Variants in TJP2 observed in about 807,000 individuals in gnomAD.
The protein encoded by TJP2 is tight junction protein 2, also known as Friedreich ataxia region gene X104 (tight junction protein ZO-2).
TJP2 carries 91 observed loss-of-function variants against 133.1 expected under a neutral mutation model. The observed-to-expected ratio is 0.68, with a 90% CI of 0.58 to 0.81. The LOEUF is 0.81. Ranked by LOEUF, TJP2 falls within the 40% of genes least tolerant of loss-of-function variation. The pLI, the probability that TJP2 is intolerant of heterozygous loss-of-function variation, is 0.00. For missense variants in TJP2, 1,541 were observed against 1,565.6 expected (o/e 0.98, Z 0.26); for synonymous variants, 592 against 583.4 (o/e 1.01, Z -0.21).
chr9:69,243,792 G>A (rs1006804642), intron 17 of TJP2, among the ~76,000 whole-genome samples: 1 of 152,214 alleles, frequency 6.6e-6, no homozygotes, highest in African/African-American at 2.4e-5. Flanking sequence ...GCTGTTGCAT[G>A]CCCATTTAGA....
intron 13 of TJP2, among the ~76,000 whole-genome samples, chr9:69,236,624 T>G (rs1830211228): frequency 6.6e-6 from 1 of 152,158 alleles, no homozygotes; most frequent in African/African-American, 2.4e-5. Context: ...ACTTGGTGTT[T>G]GGCTGACAGT....
At chr9:69,170,477 C>G (rs1824619188), upstream of TJP2, among the ~76,000 whole-genome samples, 1 of 151,986 alleles carries the variant, frequency 6.6e-6, no homozygotes, top group South Asian at 2.1e-4. Context: ...ATAGCCCAGC[C>G]CACCATCATT....
intron 1 of TJP2, chr9:69,205,346 T>G: frequency 6.7e-7 from 1 of 1,502,224 alleles, no homozygotes; most frequent in Non-Finnish European, 8.9e-7. Context: ...TGATTTGTGC[T>G]TCTGGCATCT....
chr9:69,172,269 A>C (rs1249999334), upstream of TJP2, among the ~76,000 whole-genome samples: 1 of 152,214 alleles, frequency 6.6e-6, no homozygotes, highest in Non-Finnish European at 1.5e-5. Flanking sequence ...CATTTACTGA[A>C]TGCTTATCAT....
chr9:69,248,488 C>G (rs1183285259), intron 19 of TJP2: 2 of 1,318,480 alleles, frequency 1.5e-6, no homozygotes, highest in Non-Finnish European at 9.7e-7. Context: ...AACAGAATGG[C>G]TTTAGGTGCC....
At chr9:69,220,821 A>AC in intron 4 of TJP2, 66 bp from the exon 5 acceptor site, 2 of 1,523,530 alleles carry the variant, frequency 1.3e-6, no homozygotes, top group South Asian at 1.1e-5. Flanking sequence ...AGGGCTCTTA[A>AC]CCACTGCCTT....
chr9:69,253,386 G>A (rs1831479919), intron 22 of TJP2: 1 of 159,354 alleles, frequency 6.3e-6, no homozygotes, highest in African/African-American at 2.4e-5. Flanking sequence ...GTGTCTTCCT[G>A]TTGAAGTTTT....
intron 17 of TJP2, among the ~76,000 whole-genome samples, chr9:69,244,034 A>T (rs1012714910): frequency 8.6e-5 from 13 of 151,868 alleles, no homozygotes; most frequent in Non-Finnish European, 1.5e-5. Flanking sequence ...AAATAAAAAA[A>T]TTAGCTGGGT....
chr9:69,213,773 T>C (rs1242347493), intron 2 of TJP2, among the ~76,000 whole-genome samples: 1 of 152,220 alleles, frequency 6.6e-6, no homozygotes, highest in Non-Finnish European at 1.5e-5. Context: ...CCTTGAGTTG[T>C]GGACCCAAAA....
chr9:69,249,133 CT>C (rs1831142999), intron 19 of TJP2: 1 of 1,320,846 alleles, frequency 7.6e-7, no homozygotes, highest in Non-Finnish European at 9.7e-7. Context: ...AGATTTTAGA[CT>C]TTTGGAGGGT....
intron 1 of TJP2, among the ~76,000 whole-genome samples, chr9:69,178,142 A>G (rs373358944): frequency 1.4e-4 from 22 of 152,282 alleles, no homozygotes; most frequent in East Asian, 1.2e-3. Flanking sequence ...AAGGACTATC[A>G]TACCCCCAAA....
chr9:69,132,792 A>AGG (rs1281508603), intron 1 of TJP2, among the ~76,000 whole-genome samples: 2 of 152,102 alleles, frequency 1.3e-5, no homozygotes, highest in African/African-American at 2.4e-5. Flanking sequence ...CAAAGGCCCT[A>AGG]GGGTACCTAC....
Position 69,226,004 on chromosome 9 carries a change from C to T in TJP2, c.1057-18C>T, listed in dbSNP as rs372701406. On this transcript the variant is annotated intron_variant, in intron 6 of 22. Transcript: ENST00000377245. ...ATAATTTTATTGCATTTAACATTAC[C>T]ATTTTTTATAAACACAGATCAATGG... The T allele has an allele frequency of 1.2e-6, 2 of 1,613,310 alleles. No homozygotes were observed. The highest frequency in any genetic ancestry group is 1.7e-6 in the Non-Finnish European group (2 of 1,179,570).
In TJP2 at chr9:69,252,688, C is replaced by G. The variant is rs995964059; in HGVS notation, c.3322-127C>G. 20 of 904,770 alleles carry G rather than the reference C, an allele frequency of 2.2e-5. No individual in the cohort carries two copies. The Admixed American group carries it at 3.8e-4, about 17-fold the overall frequency. 56.0% of individuals were successfully genotyped at this position (904,770 alleles called of 1,614,324 possible). ...TGAGGAGGCCGCTTCTGTGTTTCCT[C>G]TTCTTGAAATGGGATGGGAAAATAA... On this transcript the variant is annotated intron_variant, in intron 21 of 22. Transcript: ENST00000377245.
chr9:69,130,076 A>T (rs1477567772), intron 1 of TJP2, among the ~76,000 whole-genome samples: 1 of 152,012 alleles, frequency 6.6e-6, no homozygotes. Flanking sequence ...AGAGTAGATT[A>T]ATAAGACATT....
intron 1 of TJP2, among the ~76,000 whole-genome samples, chr9:69,140,480 G>A (rs1034336765): frequency 6.6e-6 from 1 of 152,306 alleles, no homozygotes; most frequent in Admixed American, 6.5e-5. Context: ...AGCAGGTGCA[G>A]CGTGGGATCA....
intron 4 of TJP2, among the ~76,000 whole-genome samples, chr9:69,219,285 A>G (rs913991625): frequency 3.9e-5 from 6 of 152,006 alleles, no homozygotes; most frequent in African/African-American, 1.4e-4. Context: ...ATGGTATTTA[A>G]TGTTTTTCAA....
chr9:69,252,596 T>C (rs928013909), intron 21 of TJP2, among the ~76,000 whole-genome samples: 3 of 152,166 alleles, frequency 2.0e-5, no homozygotes, highest in African/African-American at 7.2e-5. Context: ...GGTTGTAGCA[T>C]GTGTCAGAGT....
intron 1 of TJP2, among the ~76,000 whole-genome samples, chr9:69,178,335 A>C (rs1825246814): frequency 6.6e-6 from 1 of 152,220 alleles, no homozygotes; most frequent in African/African-American, 2.4e-5. Context: ...TACCACATCC[A>C]TTTATTTCAT....
Sources: gnomAD v4.1 joint callset for allele counts (sites outside exome capture counted in the v4.1 genomes callset) on GRCh38, gnomAD v4.1.1 for gene constraint, MANE v1.5 for transcripts, NCBI Gene and HGNC (gene_info 2026-07-23, HGNC 2026-07-21) for gene names.